Variants in CEP41 observed in about 807,000 individuals in gnomAD.
CEP41 encodes the protein centrosomal protein of 41 kDa.
Under a neutral mutation model 44.3 loss-of-function variants are expected in CEP41, and 32 were observed. That is an observed-to-expected ratio of 0.72 (90% CI 0.54 to 0.97). The LOEUF is 0.97. Among genes scored for constraint, CEP41 ranks in the 50% least tolerant of loss-of-function variants. CEP41 has a pLI of 0.00. For synonymous variants in CEP41, 151 were observed against 168.5 expected (o/e 0.90, Z 0.80); for missense variants, 432 against 455.2 (o/e 0.95, Z 0.46).
chr7:130,403,348 G>A (rs1219120875), intron 6 of CEP41, among the ~76,000 whole-genome samples: 4 of 152,184 alleles, frequency 2.6e-5, no homozygotes, highest in Non-Finnish European at 4.4e-5. Context: ...ACAACATTGA[G>A]GTTGACGAGG....
chr7:130,434,319 T>C (rs1212911531), intron 1 of CEP41, among the ~76,000 whole-genome samples: 1 of 152,162 alleles, frequency 6.6e-6, no homozygotes, highest in East Asian at 1.9e-4. Context: ...AAAAAGCTCT[T>C]ACAGAAAAAA....
chr7:130,424,727 T>C (rs1797609584), intron 2 of CEP41, among the ~76,000 whole-genome samples: 1 of 152,030 alleles, frequency 6.6e-6, no homozygotes, highest in Non-Finnish European at 1.5e-5. Flanking sequence ...TATCATGAAC[T>C]TATATATAAA....
chr7:130,410,911 G>A (rs1452732198), intron 5 of CEP41: 4 of 616,460 alleles, frequency 6.5e-6, no homozygotes, highest in Non-Finnish European at 1.2e-5. Context: ...ATTTAAAACT[G>A]TAAGTGTTAG....
intron 1 of CEP41, among the ~76,000 whole-genome samples, chr7:130,431,781 G>T (rs1362288127): frequency 6.6e-6 from 1 of 152,066 alleles, no homozygotes; most frequent in African/African-American, 2.4e-5. Flanking sequence ...GGGAAATACG[G>T]GGACAAACGA....
At chr7:130,419,876 C>A in intron 2 of CEP41, 2 of 985,328 alleles carry the variant, frequency 2.0e-6, no homozygotes, top group Non-Finnish European at 2.4e-6. Context: ...CGGCTTACAA[C>A]TCACAAGGCA....
At chr7:130,417,024 T>C in intron 2 of CEP41, 58 bp from the exon 3 acceptor site, 1 of 1,399,610 alleles carries the variant, frequency 7.1e-7, no homozygotes, top group Non-Finnish European at 1.0e-6. Context: ...TGAGTAACAC[T>C]GTGGAAACAG....
chr7:130,405,651 C>T (rs1554418081), intron 5 of CEP41, among the ~76,000 whole-genome samples: 1 of 152,080 alleles, frequency 6.6e-6, no homozygotes, highest in Admixed American at 6.6e-5. Flanking sequence ...AACCAATATT[C>T]TCTAAATGGC....
intron 1 of CEP41, among the ~76,000 whole-genome samples, chr7:130,431,604 T>C (rs1797823022): frequency 6.6e-6 from 1 of 152,110 alleles, no homozygotes; most frequent in African/African-American, 2.4e-5. Flanking sequence ...GAAAGGTCAC[T>C]TCTGAGCTGA....
rs1797565264 is a variant in CEP41, at chr7:130,423,344, A to G, written c.97+4611T>C. 2.0e-5 allele frequency among the ~76,000 whole-genome samples: 3 copies of G among 152,354 alleles called. 1 individual carries two copies. In the South Asian group the frequency reaches 6.2e-4, roughly 32 times the overall value. ...AGACATTTCTCCATAAGAGATATAC[A>G]AATACCAAAAAGCACATAAAAAGGT... On this transcript the variant is annotated intron_variant, in intron 2 of 10. Transcript: ENST00000223208.
At chr7:130,420,427 G>C (rs981346338) in intron 2 of CEP41, 1 of 151,386 alleles carries the variant, frequency 6.6e-6, no homozygotes, top group South Asian at 2.1e-4. Context: ...TCGAGGCCAG[G>C]AGTTCAAGAC....
At position 130,398,096 on chromosome 7, in the gene CEP41, A is replaced by G. The variant is rs1377154124; in HGVS notation, c.*795T>C. 1 of 453,986 alleles carries G rather than the reference A, an allele frequency of 2.2e-6. No homozygotes were observed. The highest frequency in any genetic ancestry group is 2.0e-5 in the African/African-American group (1 of 50,008). The allele number at this position is 453,986 out of a possible 1,614,324, so 28.1% of individuals were successfully genotyped here. ...GGGCAATGGGCGTCATAACTGATAT[A>G]CTGACCACAAGTGAGGGCCGCTTTG... On this transcript the variant is annotated 3_prime_UTR_variant, in exon 11 of 11. Coordinates refer to ENST00000223208, the MANE Select transcript of CEP41 (RefSeq NM_018718.3).
chr7:130,435,126 C>A (rs1554425899), intron 1 of CEP41, among the ~76,000 whole-genome samples: 1 of 152,020 alleles, frequency 6.6e-6, no homozygotes, highest in Non-Finnish European at 1.5e-5. Flanking sequence ...AACAAAACTA[C>A]AAAATAAAAC....
chr7:130,428,193 G>A (rs543490311), intron 1 of CEP41, among the ~76,000 whole-genome samples, 175 bp from the exon 2 acceptor site: 1 of 152,188 alleles, frequency 6.6e-6, no homozygotes, highest in Non-Finnish European at 1.5e-5. Flanking sequence ...GGAGGCCGAG[G>A]TGGGTGGATC....
intron 5 of CEP41, among the ~76,000 whole-genome samples, chr7:130,407,465 T>C (rs1368518957): frequency 6.6e-6 from 1 of 152,058 alleles, no homozygotes; most frequent in African/African-American, 2.4e-5. Context: ...TATCAAATAG[T>C]AACATATGTT....
At position 130,398,116 on chromosome 7, in the gene CEP41, G is replaced by A. The variant is rs1345234062; in HGVS notation, c.*775C>T. On this transcript the variant is annotated 3_prime_UTR_variant, in exon 11 of 11. Transcript: ENST00000223208. ...GATATACTGACCACAAGTGAGGGCC[G>A]CTTTGGTGGGCTTCAAGGGGCACAG... The A allele has an allele frequency of 4.4e-6, 2 of 453,916 alleles. No homozygotes were observed. Among genetic ancestry groups the A allele is most frequent in the African/African-American group, 4.0e-5 (2 of 50,018 alleles). The allele number at this position is 453,916 out of a possible 1,614,324, so 28.1% of individuals were successfully genotyped here.
At chr7:130,410,968 G>A (rs565983643) in intron 5 of CEP41, 154 bp downstream of exon 5, 2 of 755,372 alleles carry the variant, frequency 2.6e-6, no homozygotes, top group South Asian at 3.0e-5. Context: ...AACAACTAAA[G>A]TATCAGGTAG....
intron 1 of CEP41, 54 bp downstream of exon 1, chr7:130,440,880 C>A: frequency 6.3e-7 from 1 of 1,596,638 alleles, no homozygotes; most frequent in East Asian, 2.2e-5. Flanking sequence ...CCCACATGAG[C>A]CTTTTCCGGT....
At chr7:130,426,011 T>A (rs549269363) in intron 2 of CEP41, among the ~76,000 whole-genome samples, 1 of 152,242 alleles carries the variant, frequency 6.6e-6, no homozygotes, top group African/African-American at 2.4e-5. Flanking sequence ...AAAGTGGGTG[T>A]GGTTATAAAA....
rs185283177 is a variant in CEP41 at position 130,399,715 on chromosome 7, G to A, written c.973+324C>T. On this transcript the variant is annotated intron_variant, in intron 10 of 10. Coordinates refer to ENST00000223208, the MANE Select transcript of CEP41 (RefSeq NM_018718.3). ...GGCACCTGTAATCCCACCTACTCGG[G>A]AGGCTGATGTGGGAGAATCGCTTGA... 1.6e-5 allele frequency: 5 copies of A among 303,226 alleles called. No individual in the cohort carries two copies. In the East Asian group the frequency reaches 3.3e-4, roughly 20 times the overall value. 18.8% of individuals were successfully genotyped at this position (303,226 alleles called of 1,614,324 possible).
Sources: allele counts gnomAD v4.1 joint callset (sites outside exome capture counted in the v4.1 genomes callset), GRCh38; gene constraint gnomAD v4.1.1; transcripts MANE v1.5; gene names NCBI Gene and HGNC (gene_info 2026-07-23, HGNC 2026-07-21).